The following CTNNA3 variants were observed in gnomAD, a reference collection of about 807,000 sequenced individuals.
CTNNA3 encodes the protein catenin alpha 3.
In CTNNA3, 76 loss-of-function variants were observed where a neutral mutation model predicts 95.7. The ratio of observed to expected loss-of-function variants is 0.79; its 90% confidence interval spans 0.66 to 0.96. The LOEUF (loss-of-function observed/expected upper bound fraction) is 0.96. Among genes scored for constraint, CTNNA3 ranks in the 40% least tolerant of loss-of-function variants. The pLI, the probability that CTNNA3 is intolerant of heterozygous loss-of-function variation, is 0.00. For synonymous variants in CTNNA3, 431 were observed against 374.4 expected, an observed-to-expected ratio of 1.15 and a Z score of -1.74; for missense variants, 1,191 against 1,089.8, an observed-to-expected ratio of 1.09 and a Z score of -1.31.
At chr10:66,996,649 C>A (rs200393081) in intron 7 of CTNNA3, among the ~76,000 whole-genome samples, 913 of 67,554 alleles carry the variant, frequency 0.014, no homozygotes, top group Middle Eastern at 0.047. Context: ...TCCGTCTCTA[C>A]AAAAAAAAAA....
chr10:66,210,284 A>G (rs1331680956), intron 13 of CTNNA3, among the ~76,000 whole-genome samples: 1 of 151,274 alleles, frequency 6.6e-6, no homozygotes, highest in Non-Finnish European at 1.5e-5. Flanking sequence ...AATGGCAATG[A>G]TAGTGGAACC....
chr10:66,471,975 A>G (rs1839151010), intron 11 of CTNNA3, among the ~76,000 whole-genome samples: 1 of 152,008 alleles, frequency 6.6e-6, no homozygotes, highest in South Asian at 2.1e-4. Flanking sequence ...TCAATTTCAC[A>G]CTGACGTGTG....
intron 7 of CTNNA3, among the ~76,000 whole-genome samples, chr10:66,830,855 T>C (rs368874449): frequency 5.3e-5 from 8 of 152,228 alleles, no homozygotes; most frequent in South Asian, 4.1e-4. Flanking sequence ...GTGATCCGCC[T>C]GCCTCGGCCT....
chr10:67,252,047 C>T (rs1028257866), intron 5 of CTNNA3, among the ~76,000 whole-genome samples: 1 of 151,698 alleles, frequency 6.6e-6, no homozygotes, highest in Admixed American at 6.6e-5. Flanking sequence ...CTGTCTCTAC[C>T]AAGAAACACA....
At chr10:66,625,209 T>C (rs1042510766) in intron 9 of CTNNA3, among the ~76,000 whole-genome samples, 1 of 152,126 alleles carries the variant, frequency 6.6e-6, no homozygotes, top group Non-Finnish European at 1.5e-5. Context: ...CTTCCCACCA[T>C]TCCTTCTGCC....
intron 3 of CTNNA3, among the ~76,000 whole-genome samples, chr10:67,602,092 G>A (rs1843100728): frequency 6.6e-6 from 1 of 151,582 alleles, no homozygotes; most frequent in East Asian, 1.9e-4. Flanking sequence ...ATATAATAAA[G>A]CTATCTGTAC....
chr10:66,980,106 T>C (rs1850327341), intron 7 of CTNNA3, among the ~76,000 whole-genome samples: 1 of 152,160 alleles, frequency 6.6e-6, no homozygotes, highest in African/African-American at 2.4e-5. Context: ...TATTTCCTGG[T>C]TACTAATCAA....
chr10:66,859,216 T>G (rs1843804355), intron 7 of CTNNA3, among the ~76,000 whole-genome samples: 1 of 151,870 alleles, frequency 6.6e-6, no homozygotes, highest in South Asian at 2.1e-4. Flanking sequence ...TTGAAGGCAC[T>G]TTCGAAAAGG....
intron 9 of CTNNA3, among the ~76,000 whole-genome samples, chr10:66,651,729 GGGCCTGCTGTGCT>G (rs1286669719): frequency 2.0e-5 from 3 of 151,856 alleles, no homozygotes; most frequent in Admixed American, 1.3e-4. Flanking sequence ...TCACTGCTCG[GGGCCTGCTGTGCT>G]GGCCTGCGGC....
At chr10:67,195,550 A>G (rs1372477356) in intron 6 of CTNNA3, among the ~76,000 whole-genome samples, 1 of 151,792 alleles carries the variant, frequency 6.6e-6, no homozygotes, top group Non-Finnish European at 1.5e-5. Flanking sequence ...TCTCCTTGCT[A>G]ATGTTATTTT....
chr10:67,162,739 A>G (rs2132092724), intron 7 of CTNNA3, among the ~76,000 whole-genome samples: 1 of 152,042 alleles, frequency 6.6e-6, no homozygotes, highest in Admixed American at 6.5e-5. Context: ...TCAAGATAAA[A>G]TGTTAAAATT....
Position 67,655,203 on chromosome 10 carries a change from C to G in CTNNA3, c.-5-7685G>C, listed in dbSNP as rs572639052. ...TGGTTTTATCTGGAAATAAGTGTCTCTTCCTCAAGTTTAAACTATTCTGAT... is the reference window on the plus strand; with the variant it reads ...TGGTTTTATCTGGAAATAAGTGTCTGTTCCTCAAGTTTAAACTATTCTGAT... On this transcript the variant is annotated intron_variant, in intron 1 of 17. Transcript: ENST00000433211. 5.9e-5 allele frequency among the ~76,000 whole-genome samples: 9 copies of G among 152,338 alleles called. No individual in the cohort carries two copies. The East Asian group carries it at 9.6e-4, about 16-fold the overall frequency.
At chr10:67,327,251 G>A (rs1841577113) in intron 5 of CTNNA3, among the ~76,000 whole-genome samples, 1 of 152,114 alleles carries the variant, frequency 6.6e-6, no homozygotes, top group Admixed American at 6.5e-5. Context: ...ATCCAGTTCA[G>A]AACCCTTGCT....
At chr10:67,104,127 G>GA (rs1436120434) in intron 7 of CTNNA3, among the ~76,000 whole-genome samples, 2 of 151,616 alleles carry the variant, frequency 1.3e-5, no homozygotes, top group African/African-American at 4.8e-5. Context: ...TCAACTGGCT[G>GA]AAAAAAAGAG....
chr10:66,363,127 C>CA (rs1460948509), intron 12 of CTNNA3, among the ~76,000 whole-genome samples: 1 of 152,002 alleles, frequency 6.6e-6, no homozygotes, highest in Non-Finnish European at 1.5e-5. Context: ...AACATTAGGC[C>CA]AAAAAAATCT....
intron 11 of CTNNA3, among the ~76,000 whole-genome samples, chr10:66,512,254 T>C (rs1015742918): frequency 6.6e-6 from 1 of 152,076 alleles, no homozygotes; most frequent in Non-Finnish European, 1.5e-5. Context: ...TGTTATAGTC[T>C]ATGTGTGTTT....
chr10:66,769,464 T>C (rs1349320325), intron 8 of CTNNA3, among the ~76,000 whole-genome samples: 2 of 152,244 alleles, frequency 1.3e-5, no homozygotes, highest in African/African-American at 2.4e-5. Flanking sequence ...TTACCTTCAC[T>C]ATTATGAACT....
At position 66,466,339 on chromosome 10, in the gene CTNNA3, TACACACACACACAC is replaced by T. The variant is rs143601111; in HGVS notation, c.1531+54264_1531+54277del. Among the ~76,000 whole-genome samples the T allele has an allele frequency of 3.9e-3, 551 of 141,846 alleles. 4 individuals are homozygous for T. The highest frequency in any genetic ancestry group is 0.014 in the African/African-American group (518 of 37,964). The allele number at this position is 141,846 out of a possible 152,430, so 93.1% of individuals were successfully genotyped here. A position where few individuals can be genotyped will look rare whatever the true frequency, so the allele number is the denominator to read the frequency against. On this transcript the variant is annotated intron_variant, in intron 11 of 17. Transcript: ENST00000433211. Reference sequence around the variant, plus strand: ...ACACACACATACACGCACCCACCTATACACACACACACACACACACACACACACACACACAATCT... The same window carrying T: ...ACACACACATACACGCACCCACCTATACACACACACACACACACACAATCT...
intron 11 of CTNNA3, among the ~76,000 whole-genome samples, chr10:66,438,957 A>T (rs974355746): frequency 6.6e-6 from 1 of 151,814 alleles, no homozygotes; most frequent in Non-Finnish European, 1.5e-5. Context: ...GAGTTACCTG[A>T]CCCCTTACAC....
Sources: gnomAD v4.1 joint callset for allele counts (sites outside exome capture counted in the v4.1 genomes callset) on GRCh38, gnomAD v4.1.1 for gene constraint, MANE v1.5 for transcripts, NCBI Gene and HGNC (gene_info 2026-07-23, HGNC 2026-07-21) for gene names.